The following TRIM67 variants were observed in gnomAD, a reference collection of about 807,000 sequenced individuals.
TRIM67 encodes the protein tripartite motif-containing protein 67.
A neutral mutation model predicts 71.0 loss-of-function variants in TRIM67; 39 were observed. The ratio of observed to expected loss-of-function variants is 0.55; its 90% CI spans 0.43 to 0.72. The LOEUF (loss-of-function observed/expected upper bound fraction) is 0.72, where lower values mean the gene tolerates loss of function less well. Ranked by LOEUF, TRIM67 falls within the 30% of genes least tolerant of loss-of-function variation. The pLI, the probability that TRIM67 is intolerant of heterozygous loss-of-function variation, is 0.00. For synonymous variants in TRIM67, 481 were observed against 473.9 expected (o/e 1.01, Z -0.19); for missense variants, 973 against 1,079.2 (o/e 0.90, Z 1.38).
chr1:231,177,178 C>T (rs1337756306), intron 1 of TRIM67, among the ~76,000 whole-genome samples: 2 of 152,176 alleles, frequency 1.3e-5, no homozygotes, highest in Non-Finnish European at 2.9e-5. Context: ...TATGTGGAAC[C>T]ATCCTTAGGT....
intron 1 of TRIM67, among the ~76,000 whole-genome samples, chr1:231,187,073 G>T (rs1224471739): frequency 2.0e-5 from 3 of 152,186 alleles, no homozygotes; most frequent in Non-Finnish European, 4.4e-5. Context: ...ACAGAAAGCT[G>T]AAAGCTTCCC....
intron 7 of TRIM67, among the ~76,000 whole-genome samples, chr1:231,208,201 T>C (rs1488059593): frequency 6.8e-6 from 1 of 146,734 alleles, no homozygotes; most frequent in African/African-American, 2.6e-5. Flanking sequence ...TGAGACAGAG[T>C]CTTGATCTGT....
chr1:231,208,960 A>G lies in TRIM67; in HGVS notation c.1833A>G (p.Thr611=), dbSNP rs772770270. 1 of 1,587,474 alleles carries G rather than the reference A, an allele frequency of 6.3e-7. No individual in the cohort carries two copies. The highest frequency in any genetic ancestry group is 8.6e-7 in the Non-Finnish European group (1 of 1,161,444). ...VLQTSDVAWF[T]FDPNSGHRDI... ...CTCCCTTTTTAGTGGCCTGGTTCACATTTGACCCCAACTCTGGGCATCGGG... is the reference window on the plus strand; with the variant it reads ...CTCCCTTTTTAGTGGCCTGGTTCACGTTTGACCCCAACTCTGGGCATCGGG... Residue 611 remains threonine, a synonymous_variant, in exon 8 of 10, where the codon ACA becomes ACG. Transcript: ENST00000366653.
chr1:231,202,573 G>A (rs1443250934), intron 5 of TRIM67, among the ~76,000 whole-genome samples: 1 of 152,164 alleles, frequency 6.6e-6, no homozygotes, highest in Admixed American at 6.5e-5. Context: ...CCCCTCCACA[G>A]ATGTCAAGGG....
chr1:231,215,844 C>T lies in TRIM67; in HGVS notation c.*404C>T, dbSNP rs1257431350. ...TCCTGAGAGCGGCAGTCAGGAGCTGCGCTGTAATCCCACGCCCCGGGTGTT... is the reference window on the plus strand; with the variant it reads ...TCCTGAGAGCGGCAGTCAGGAGCTGTGCTGTAATCCCACGCCCCGGGTGTT... On this transcript the variant is annotated 3_prime_UTR_variant, in exon 10 of 10. Transcript: ENST00000366653. The T allele has an allele frequency of 7.9e-6, 8 of 1,008,028 alleles. No homozygotes were observed. In the East Asian group the frequency reaches 3.0e-4, roughly 37 times the overall value. 62.4% of individuals were successfully genotyped at this position (1,008,028 alleles called of 1,614,324 possible). A position where few individuals can be genotyped will look rare whatever the true frequency, so the allele number is the denominator to read the frequency against.
chr1:231,202,419 C>T (rs923872780), intron 5 of TRIM67, among the ~76,000 whole-genome samples: 1 of 152,068 alleles, frequency 6.6e-6, no homozygotes, highest in Non-Finnish European at 1.5e-5. Flanking sequence ...TTTTCTCTGT[C>T]CCAAGAGCAA....
At position 231,200,263 on chromosome 1, in the gene TRIM67, G is replaced by C; in HGVS notation, c.1374+5G>C. 1 of 1,589,034 alleles carries C rather than the reference G, an allele frequency of 6.3e-7. No individual in the cohort carries two copies. Among genetic ancestry groups the C allele is most frequent in the Non-Finnish European group, 8.6e-7 (1 of 1,157,360 alleles). On this transcript the variant is annotated splice_donor_5th_base_variant and intron_variant, in intron 4 of 9. Coordinates refer to ENST00000366653, the MANE Select transcript of TRIM67 (RefSeq NM_001004342.5). Reference sequence around the variant, plus strand: ...GACCCCTCCGGGTTCTTACAGGTGAGCCTGTCCCTGGAAGACACAAAGTGG... The same window carrying C: ...GACCCCTCCGGGTTCTTACAGGTGACCCTGTCCCTGGAAGACACAAAGTGG...
chr1:231,170,034 T>TGGA (rs1682585137), intron 1 of TRIM67, among the ~76,000 whole-genome samples: 1 of 148,992 alleles, frequency 6.7e-6, no homozygotes, highest in East Asian at 1.9e-4. Context: ...TTGCCCAGGC[T>TGGA]GGAGTGCAGT....
chr1:231,210,428 GC>G, intron 8 of TRIM67, among the ~76,000 whole-genome samples: 1 of 151,794 alleles, frequency 6.6e-6, no homozygotes, highest in East Asian at 2.0e-4. Flanking sequence ...CCATCTGCTT[GC>G]CTCTTTGCTT....
intron 1 of TRIM67, among the ~76,000 whole-genome samples, chr1:231,190,087 A>G (rs1194763996): frequency 6.6e-6 from 1 of 152,198 alleles, no homozygotes; most frequent in African/African-American, 2.4e-5. Context: ...TTGTCACAGC[A>G]GCAATAAGAA....
intron 1 of TRIM67, among the ~76,000 whole-genome samples, chr1:231,182,333 G>A (rs1436329658): frequency 6.6e-6 from 1 of 152,140 alleles, no homozygotes; most frequent in Non-Finnish European, 1.5e-5. Flanking sequence ...AGGATAAGGT[G>A]GGAGGATCGC....
At chr1:231,203,439 G>A (rs1294250129) in intron 5 of TRIM67, among the ~76,000 whole-genome samples, 1 of 152,232 alleles carries the variant, frequency 6.6e-6, no homozygotes, top group Admixed American at 6.5e-5. Context: ...CTTAGCTGTG[G>A]GCCCTGCGGA....
At position 231,217,835 on chromosome 1, in the gene TRIM67, G is replaced by A; in HGVS notation, c.*2395G>A. On this transcript the variant is annotated 3_prime_UTR_variant, in exon 10 of 10. Transcript: ENST00000366653. Reference sequence around the variant, plus strand: ...CAGCATCCAGGTCAGGAGAGAAGTGGAAAGTGCAGGAGGGTAATGCCCTCA... The same window carrying A: ...CAGCATCCAGGTCAGGAGAGAAGTGAAAAGTGCAGGAGGGTAATGCCCTCA... 1 of 1,289,692 alleles carries A rather than the reference G, an allele frequency of 7.8e-7. No homozygotes were observed. Among genetic ancestry groups the A allele is most frequent in the Non-Finnish European group, 1.0e-6 (1 of 988,810 alleles). 79.9% of individuals were successfully genotyped at this position (1,289,692 alleles called of 1,614,324 possible). A position where few individuals can be genotyped will look rare whatever the true frequency, so the allele number is the denominator to read the frequency against.
chr1:231,163,299 C>T lies in TRIM67; in HGVS notation c.330C>T (p.Ser110=), dbSNP rs932816932. ...TCAGCTTGTACAGCGAGACAGACAG[C>T]GGCTACGGGTCCTACACCCCGAGCC... The part of the protein sequence containing the change: ...DKLSLYSETD[S]GYGSYTPSLK... Residue 110 remains serine, a synonymous_variant, in exon 1 of 10, where the codon AGC becomes AGT. Coordinates refer to ENST00000366653, the MANE Select transcript of TRIM67 (RefSeq NM_001004342.5). 31 of 1,517,116 alleles carry T rather than the reference C, an allele frequency of 2.0e-5. No homozygotes were observed. In the African/African-American group the frequency reaches 3.0e-4, roughly 15 times the overall value. The allele number at this position is 1,517,116 out of a possible 1,614,324, so 94.0% of individuals were successfully genotyped here.
chr1:231,217,809 G>A lies in TRIM67; in HGVS notation c.*2369G>A, dbSNP rs1232411594. On this transcript the variant is annotated 3_prime_UTR_variant, in exon 10 of 10. Transcript: ENST00000366653. ...CCCTGAACCTAACCCCTTTGAGGGAGCAGCATCCAGGTCAGGAGAGAAGTG... is the reference window on the plus strand; with the variant it reads ...CCCTGAACCTAACCCCTTTGAGGGAACAGCATCCAGGTCAGGAGAGAAGTG... 7.8e-7 allele frequency: 1 copy of A among 1,289,436 alleles called. No homozygotes were observed. The highest frequency in any genetic ancestry group is 2.3e-5 in the Admixed American group (1 of 43,536). 79.9% of individuals were successfully genotyped at this position (1,289,436 alleles called of 1,614,324 possible).
At chr1:231,170,266 G>A (rs1214596604) in intron 1 of TRIM67, among the ~76,000 whole-genome samples, 2 of 152,140 alleles carry the variant, frequency 1.3e-5, no homozygotes, top group South Asian at 2.1e-4. Flanking sequence ...GATTACAGAT[G>A]TGAGCCACCG....
intron 6 of TRIM67, 60 bp downstream of exon 6, chr1:231,204,072 C>G (rs1571898360): frequency 6.3e-7 from 1 of 1,598,236 alleles, no homozygotes; most frequent in Non-Finnish European, 8.5e-7. Context: ...GCAGGAGTGG[C>G]TCCCACTGCC....
At chr1:231,176,905 G>GAAAAAAAAAAA (rs1208064270) in intron 1 of TRIM67, among the ~76,000 whole-genome samples, 2 of 39,388 alleles carry the variant, frequency 5.1e-5, no homozygotes, top group African/African-American at 1.0e-3. Flanking sequence ...ATACAATCTG[G>GAAAAAAAAAAA]CAAAAAAAAA....
Position 231,181,006 on chromosome 1 carries a change from G to A in TRIM67, c.1045-16365G>A, listed in dbSNP as rs529696968. Among the ~76,000 whole-genome samples, 14 of 152,126 alleles carry A rather than the reference G, an allele frequency of 9.2e-5. No homozygotes were observed. In the South Asian group the frequency reaches 1.7e-3, roughly 18 times the overall value. On this transcript the variant is annotated intron_variant, in intron 1 of 9. Coordinates refer to ENST00000366653, the MANE Select transcript of TRIM67 (RefSeq NM_001004342.5). ...GTTTGTGATGGAGTCTCGCTCTGTCGCCAGGCTAGAGTACAGTGGTGCGAT... is the reference window on the plus strand; with the variant it reads ...GTTTGTGATGGAGTCTCGCTCTGTCACCAGGCTAGAGTACAGTGGTGCGAT...
Sources: allele counts gnomAD v4.1 joint callset (sites outside exome capture counted in the v4.1 genomes callset), GRCh38; gene constraint gnomAD v4.1.1; transcripts MANE v1.5; gene names NCBI Gene and HGNC (gene_info 2026-07-23, HGNC 2026-07-21).